CMPK2: variants seen among roughly 807,000 people sequenced by gnomAD.
CMPK2 encodes the protein UMP-CMP kinase 2, mitochondrial.
CMPK2 carries 32 observed loss-of-function variants against 33.4 expected under a neutral mutation model. The ratio of observed to expected loss-of-function variants is 0.96; its 90% CI spans 0.72 to 1.29. The LOEUF is 1.29. Ranked by LOEUF, CMPK2 falls within the 50% of genes most tolerant of loss-of-function variation. The probability of loss-of-function intolerance (pLI) is 0.00; values close to 1 mark genes in which losing one functional copy is unlikely to be tolerated. For synonymous variants in CMPK2, 299 were observed against 275.3 expected (o/e 1.09, Z -0.85); for missense variants, 672 against 616.0 (o/e 1.09, Z -0.96).
At chr2:6,840,942 C>T (rs1230389954) in intron 3 of CMPK2, among the ~76,000 whole-genome samples, 1 of 152,108 alleles carries the variant, frequency 6.6e-6, no homozygotes, top group Admixed American at 6.5e-5. Context: ...GTGCTCCTCA[C>T]CTGCACTAAG....
chr2:6,865,319 G>A lies in CMPK2; in HGVS notation c.378C>T (p.Gly126=). ...LCYCPGGQAG[G]AQQGFLLRDP... is the part of the protein sequence containing the mutation. The stretch of plus-strand genomic sequence containing the variant: ...CGCGCAGCAGGAAGCCTTGCTGTGC[G>A]CCGCCGGCCTGGCCGCCCGGGCAGT... Residue 126 remains glycine, a synonymous_variant, in exon 1 of 5, where the codon GGC becomes GGT. Transcript: ENST00000256722. The A allele has an allele frequency of 6.7e-7, 1 of 1,499,362 alleles. No individual in the cohort carries two copies. Among genetic ancestry groups the A allele is most frequent in the Non-Finnish European group, 8.8e-7 (1 of 1,132,348 alleles). 92.9% of individuals were successfully genotyped at this position (1,499,362 alleles called of 1,614,324 possible).
chr2:6,843,558 G>C (rs866719384), downstream of CMPK2, among the ~76,000 whole-genome samples: 1 of 152,112 alleles, frequency 6.6e-6, no homozygotes, highest in Admixed American at 6.5e-5. Context: ...GTTGCAGCCT[G>C]ACCAATTTTC....
chr2:6,866,126 A>G (rs1022580680), upstream of CMPK2: 2 of 218,292 alleles, frequency 9.2e-6, no homozygotes, highest in South Asian at 1.0e-4. Flanking sequence ...TGCCGGGTGC[A>G]TGGAGGGGGG....
downstream of CMPK2, among the ~76,000 whole-genome samples, chr2:6,848,091 A>G (rs1662408957): frequency 6.6e-6 from 1 of 152,234 alleles, no homozygotes; most frequent in South Asian, 2.1e-4. Flanking sequence ...AAAAGAATGA[A>G]TTACAAAATG....
In CMPK2 at chr2:6,848,629, CTTAAAT is replaced by C; in HGVS notation, c.*1215_*1220del. 1.0e-6 allele frequency: 1 copy of C among 969,856 alleles called. No homozygotes were observed. Among genetic ancestry groups the C allele is most frequent in the Non-Finnish European group, 1.2e-6 (1 of 815,566 alleles). The allele number at this position is 969,856 out of a possible 1,614,324, so 60.1% of individuals were successfully genotyped here. On this transcript the variant is annotated 3_prime_UTR_variant, in exon 5 of 5. Coordinates refer to ENST00000256722, the MANE Select transcript of CMPK2 (RefSeq NM_207315.4). The stretch of plus-strand genomic sequence containing the variant: ...ATTCTATATGCAGACCTGATAAAGC[CTTAAAT>C]TTAATTATTTTGGAGTAATGTCTTC...
At chr2:6,841,681 C>T (rs954507823) in intron 3 of CMPK2, among the ~76,000 whole-genome samples, 5 of 150,126 alleles carry the variant, frequency 3.3e-5, no homozygotes, top group African/African-American at 1.2e-4. Flanking sequence ...TGGAGCCCTC[C>T]CAAATTAGAC....
chr2:6,850,733 A>G (rs1015261783), intron 4 of CMPK2: 1 of 981,578 alleles, frequency 1.0e-6, no homozygotes, highest in East Asian at 1.1e-4. Context: ...AGCAGCTACC[A>G]TTATTTATAA....
In CMPK2 at chr2:6,848,533, T is replaced by A. The variant is rs1039108540; in HGVS notation, c.*1317A>T. 2.1e-6 allele frequency: 2 copies of A among 950,882 alleles called. No individual in the cohort carries two copies. Among genetic ancestry groups the A allele is most frequent in the Non-Finnish European group, 2.5e-6 (2 of 798,594 alleles). The allele number at this position is 950,882 out of a possible 1,614,324, so 58.9% of individuals were successfully genotyped here. A position where few individuals can be genotyped will look rare whatever the true frequency, so the allele number is the denominator to read the frequency against. On this transcript the variant is annotated 3_prime_UTR_variant, in exon 5 of 5. Coordinates refer to ENST00000256722, the MANE Select transcript of CMPK2 (RefSeq NM_207315.4). ...TCAATTACATTTTAATATACACATA[T>A]TATATAGAAATTACCTATAGCTCTT...
intron 3 of CMPK2, among the ~76,000 whole-genome samples, chr2:6,842,592 T>C (rs576696528): frequency 6.4e-4 from 97 of 152,328 alleles, no homozygotes; most frequent in Non-Finnish European, 1.1e-3. Context: ...CTTTCTGAGA[T>C]GTGCAGATTA....
intron 3 of CMPK2, among the ~76,000 whole-genome samples, chr2:6,852,625 A>G (rs577925078): frequency 6.6e-6 from 1 of 152,248 alleles, no homozygotes; most frequent in Non-Finnish European, 1.5e-5. Context: ...TATAAGTGTA[A>G]TATCTATTGT....
rs7557683 is a variant in CMPK2 at position 6,852,438 on chromosome 2, C to T, written c.993-755G>A. 5.0e-3 allele frequency among the ~76,000 whole-genome samples: 754 copies of T among 152,268 alleles called. 7 individuals are homozygous for T. Among genetic ancestry groups the T allele is most frequent in the African/African-American group, 0.017 (696 of 41,544 alleles). ...GACACAGAACATCCCTCCTAGTCTG[C>T]ACCTGCTTACCTTTTCCTCTGGTGA... On this transcript the variant is annotated intron_variant, in intron 3 of 4. Transcript: ENST00000256722.
chr2:6,850,032 A>G (rs1662469143), intron 4 of CMPK2, 59 bp from the exon 5 acceptor site: 1 of 1,324,870 alleles, frequency 7.5e-7, no homozygotes, highest in African/African-American at 1.5e-5. Flanking sequence ...ATTTGCATTA[A>G]TGTTCTTTTC....
At chr2:6,864,937 T>G in intron 1 of CMPK2, 85 bp downstream of exon 1, 1 of 1,342,140 alleles carries the variant, frequency 7.5e-7, no homozygotes, top group Non-Finnish European at 9.6e-7. Context: ...AAGAACCGGC[T>G]CTACAGACCA....
At chr2:6,862,684 C>T (rs1411306787) in intron 2 of CMPK2, among the ~76,000 whole-genome samples, 2 of 152,176 alleles carry the variant, frequency 1.3e-5, no homozygotes, top group Non-Finnish European at 2.9e-5. Flanking sequence ...GGACATGGCC[C>T]GCTCCTTCAC....
chr2:6,865,916 A>C, upstream of CMPK2: 10 of 1,388,864 alleles, frequency 7.2e-6, no homozygotes, highest in East Asian at 3.7e-5. Flanking sequence ...GTGCGCGATA[A>C]ACGGCCGGCG....
downstream of CMPK2, among the ~76,000 whole-genome samples, chr2:6,847,490 G>A (rs553966953): frequency 1.4e-4 from 21 of 152,330 alleles, no homozygotes; most frequent in Admixed American, 8.5e-4. Context: ...CTGTGCAGCC[G>A]TAGGCATGTC....
chr2:6,863,085 C>T (rs574293211), intron 2 of CMPK2, among the ~76,000 whole-genome samples: 9 of 152,316 alleles, frequency 5.9e-5, no homozygotes, highest in Middle Eastern at 3.4e-3. Flanking sequence ...AGCCCCTGCA[C>T]CTTTGCCCAG....
At chr2:6,843,450 A>G (rs1662279792), downstream of CMPK2, among the ~76,000 whole-genome samples, 1 of 152,122 alleles carries the variant, frequency 6.6e-6, no homozygotes, top group Non-Finnish European at 1.5e-5. Context: ...ATTATTAATG[A>G]TGGCTTAAAG....
In CMPK2 at chr2:6,851,485, T is replaced by G; in HGVS notation, c.1191A>C (p.Glu397Asp). The G allele has an allele frequency of 6.2e-7, 1 of 1,614,250 alleles. No individual in the cohort carries two copies. Among genetic ancestry groups the G allele is most frequent in the South Asian group, 1.1e-5 (1 of 91,086 alleles). The change falls in exon 4 of 5, where the codon GAA becomes GAC. Residue 397 changes from glutamate (E) to aspartate (D), a missense_variant. Transcript: ENST00000256722. The stretch of plus-strand genomic sequence containing the variant: ...ACACACTGTTGGCCTCAAGTTCTGC[T>G]TCTTCCCTGGTCTTCTCCATGCCCC... ...QGRGMEKTRE[E>D]AELEANSVFR...
Sources: gnomAD v4.1 joint callset for allele counts (sites outside exome capture counted in the v4.1 genomes callset) on GRCh38, gnomAD v4.1.1 for gene constraint, MANE v1.5 for transcripts, NCBI Gene and HGNC (gene_info 2026-07-23, HGNC 2026-07-21) for gene names.